KIF1B: variants seen among roughly 807,000 people sequenced by gnomAD.
The protein encoded by KIF1B is kinesin-like protein KIF1B.
A neutral mutation model predicts 241.9 loss-of-function variants in KIF1B; 76 were observed. That is an observed-to-expected ratio of 0.31 (90% CI 0.26 to 0.38). KIF1B has a LOEUF of 0.38. Among genes scored for constraint, KIF1B ranks in the 10% least tolerant of loss-of-function variants. The pLI is 1.00. For synonymous variants in KIF1B, 750 were observed against 796.7 expected, an observed-to-expected ratio of 0.94 and a Z score of 0.99; for missense variants, 1,622 against 2,271.4, an observed-to-expected ratio of 0.71 and a Z score of 5.81.
intron 36 of KIF1B, 100 bp from the exon 37 acceptor site, chr1:10,348,549 C>A: frequency 1.2e-6 from 1 of 844,226 alleles, no homozygotes; most frequent in Non-Finnish European, 2.0e-6. Context: ...CCTCTCCTTC[C>A]TGCTCATCCC....
chr1:10,278,171 T>C (rs1375721567), intron 13 of KIF1B, 43 bp downstream of exon 13: 1 of 1,590,620 alleles, frequency 6.3e-7, no homozygotes, highest in Admixed American at 1.7e-5. Context: ...TCCTTTCTTC[T>C]TCAGGGTTCT....
At chr1:10,252,320 G>C (rs965365074) in intron 2 of KIF1B, among the ~76,000 whole-genome samples, 1 of 152,014 alleles carries the variant, frequency 6.6e-6, no homozygotes. Flanking sequence ...GATTACAGGC[G>C]TGAGTGACCG....
chr1:10,358,258 G>A (rs1435817652), intron 38 of KIF1B, among the ~76,000 whole-genome samples: 5 of 152,070 alleles, frequency 3.3e-5, no homozygotes, highest in Non-Finnish European at 5.9e-5. Context: ...TTAAGTGAAA[G>A]CTTAGCCTGA....
intron 22 of KIF1B, chr1:10,308,161 A>C: frequency 9.4e-7 from 1 of 1,061,768 alleles, no homozygotes; most frequent in Non-Finnish European, 1.1e-6. Context: ...ATTTGCCTTA[A>C]TGATTTGTAC....
At chr1:10,250,496 G>A (rs1263072618) in intron 2 of KIF1B, among the ~76,000 whole-genome samples, 6 of 151,950 alleles carry the variant, frequency 3.9e-5, no homozygotes, top group African/African-American at 9.7e-5. Context: ...CCACCACCAC[G>A]CCCAGCTAAT....
intron 34 of KIF1B, among the ~76,000 whole-genome samples, chr1:10,344,125 G>T (rs11121543): frequency 0.055 from 8,405 of 152,152 alleles, 398 homozygotes; most frequent in African/African-American, 0.13. Context: ...TCGGTTTCTC[G>T]TGTCTGGCTA....
intron 17 of KIF1B, 25 bp downstream of exon 17, chr1:10,292,147 A>T: frequency 6.3e-7 from 1 of 1,582,554 alleles, no homozygotes; most frequent in South Asian, 1.1e-5. Context: ...TGTGAAACCT[A>T]ATCAGACAGA....
intron 28 of KIF1B, among the ~76,000 whole-genome samples, chr1:10,335,128 G>A (rs1031427911): frequency 6.6e-6 from 1 of 152,120 alleles, no homozygotes; most frequent in African/African-American, 2.4e-5. Flanking sequence ...ATTTTATAGA[G>A]TTGGGGTCTC....
At chr1:10,246,570 C>G (rs1293054878) in intron 2 of KIF1B, among the ~76,000 whole-genome samples, 2 of 152,064 alleles carry the variant, frequency 1.3e-5, no homozygotes, top group Non-Finnish European at 2.9e-5. Flanking sequence ...GTGGTGAAAC[C>G]CCGTCTCTAC....
intron 5 of KIF1B, among the ~76,000 whole-genome samples, chr1:10,263,996 T>C (rs991307863): frequency 4.6e-5 from 7 of 152,228 alleles, no homozygotes; most frequent in Non-Finnish European, 1.0e-4. Context: ...TGTTGTTCAC[T>C]TGGATGTCAT....
intron 2 of KIF1B, among the ~76,000 whole-genome samples, chr1:10,243,125 A>G (rs1647161391): frequency 6.6e-6 from 1 of 152,120 alleles, no homozygotes; most frequent in Non-Finnish European, 1.5e-5. Context: ...AGATTTTACA[A>G]TTCCTTTTAG....
chr1:10,342,009 G>A lies in KIF1B; in HGVS notation c.3514-41G>A, dbSNP rs758292988. On this transcript the variant is annotated intron_variant, in intron 32 of 48. Coordinates refer to ENST00000676179, the MANE Select transcript of KIF1B (RefSeq NM_001365951.3). The stretch of plus-strand genomic sequence containing the variant: ...AAAGTTCTGATTGAAGCAAAAATGT[G>A]TATTTTCTTGTAATCTTTTCCTAAT... The A allele has an allele frequency of 3.9e-6, 5 of 1,283,306 alleles. No homozygotes were observed. In the East Asian group the frequency reaches 9.3e-5, roughly 24 times the overall value. 79.5% of individuals were successfully genotyped at this position (1,283,306 alleles called of 1,614,324 possible). A position where few individuals can be genotyped will look rare whatever the true frequency, so the allele number is the denominator to read the frequency against.
chr1:10,361,756 A>G lies in KIF1B; in HGVS notation c.4235A>G (p.Asp1412Gly), dbSNP rs1638429786. The G allele has an allele frequency of 6.2e-7, 1 of 1,614,010 alleles. No homozygotes were observed. The highest frequency in any genetic ancestry group is 1.7e-5 in the Admixed American group (1 of 60,006). ...GTGTGCATGGTCTTCTACTCCCGAGATGCCAAGATCTCACCACCACGCTCT... is the reference window on the plus strand; with the variant it reads ...GTGTGCATGGTCTTCTACTCCCGAGGTGCCAAGATCTCACCACCACGCTCT... ...KDVCMVFYSR[D>G]AKISPPRSLR... The change falls in exon 40 of 49, where the codon GAT becomes GGT. Residue 1412 changes from aspartate to glycine, a missense_variant. Coordinates refer to ENST00000676179, the MANE Select transcript of KIF1B (RefSeq NM_001365951.3).
chr1:10,237,168 A>G (rs1477405729), intron 2 of KIF1B, among the ~76,000 whole-genome samples: 1 of 152,218 alleles, frequency 6.6e-6, no homozygotes, highest in Non-Finnish European at 1.5e-5. Flanking sequence ...AATAAATGTT[A>G]CTGTCTTGAC....
intron 2 of KIF1B, among the ~76,000 whole-genome samples, chr1:10,243,735 A>G (rs1647169771): frequency 6.6e-6 from 1 of 152,240 alleles, no homozygotes; most frequent in Non-Finnish European, 1.5e-5. Context: ...TATTCTGTGC[A>G]GTAATGCTGA....
intron 17 of KIF1B, 81 bp from the exon 18 acceptor site, chr1:10,295,005 T>C (rs1650191458): frequency 1.1e-6 from 1 of 890,608 alleles, no homozygotes; most frequent in Admixed American, 1.7e-5. Flanking sequence ...TGGAGAAGCC[T>C]GGCCTCTTGT....
Position 10,321,606 on chromosome 1 carries a change from C to T in KIF1B, c.2210-103C>T, listed in dbSNP as rs914992299. The T allele has an allele frequency of 2.0e-5, 25 of 1,272,144 alleles. No homozygotes were observed. The African/African-American group carries it at 2.4e-4, about 12-fold the overall frequency. The allele number at this position is 1,272,144 out of a possible 1,614,324, so 78.8% of individuals were successfully genotyped here. ...ACAAAAGCAGCTGAATGGAGAGAAA[C>T]TGGAAAACACCTCACCTTGGTAAAA... On this transcript the variant is annotated intron_variant, in intron 23 of 48. Transcript: ENST00000676179.
At chr1:10,256,381 C>A in intron 3 of KIF1B, 58 bp downstream of exon 3, 1 of 1,205,328 alleles carries the variant, frequency 8.3e-7, no homozygotes, top group Non-Finnish European at 1.2e-6. Flanking sequence ...CTTTCCTTGC[C>A]GATTTGTCTT....
intron 1 of KIF1B, among the ~76,000 whole-genome samples, chr1:10,222,289 A>G (rs1232969039): frequency 1.3e-5 from 2 of 152,316 alleles, no homozygotes; most frequent in East Asian, 3.9e-4. Flanking sequence ...TTGGGCTCCT[A>G]GGAATCCATG....
Sources: gnomAD v4.1 joint callset for allele counts (sites outside exome capture counted in the v4.1 genomes callset) on GRCh38, gnomAD v4.1.1 for gene constraint, MANE v1.5 for transcripts, NCBI Gene and HGNC (gene_info 2026-07-23, HGNC 2026-07-21) for gene names.